Variants in AP4E1 observed in about 807,000 individuals in gnomAD.
AP4E1 encodes AP-4 complex subunit epsilon-1.
In AP4E1, 56 loss-of-function variants were observed where a neutral mutation model predicts 128.2. The observed-to-expected ratio is 0.44, with a 90% confidence interval of 0.35 to 0.55. AP4E1 has a LOEUF of 0.55. Ranked by LOEUF, AP4E1 falls within the 20% of genes least tolerant of loss-of-function variation. The pLI, the probability that AP4E1 is intolerant of heterozygous loss-of-function variation, is 0.00. For synonymous variants in AP4E1, 484 were observed against 473.1 expected (o/e 1.02, Z -0.30); for missense variants, 1,324 against 1,307.7 (o/e 1.01, Z -0.19).
intron 10 of AP4E1, chr15:50,946,043 T>G: frequency 1.3e-6 from 1 of 787,300 alleles, no homozygotes; most frequent in South Asian, 1.6e-5. Context: ...TTGTTACTTT[T>G]GATTTGAGAA....
chr15:50,921,183 T>A (rs570876729), intron 3 of AP4E1, among the ~76,000 whole-genome samples: 13 of 152,176 alleles, frequency 8.5e-5, no homozygotes, highest in African/African-American at 3.1e-4. Context: ...AGAGATAGGG[T>A]CTTGCTACGT....
intron 15 of AP4E1, among the ~76,000 whole-genome samples, chr15:50,981,178 C>T (rs1289759140): frequency 6.6e-6 from 1 of 152,190 alleles, no homozygotes; most frequent in African/African-American, 2.4e-5. Flanking sequence ...CCCCTGAGAG[C>T]TGCTGGGTGG....
intron 15 of AP4E1, among the ~76,000 whole-genome samples, chr15:50,973,437 A>G (rs2064510129): frequency 6.6e-6 from 1 of 152,146 alleles, no homozygotes; most frequent in Non-Finnish European, 1.5e-5. Context: ...CCTTAACTGG[A>G]GGTCTCTCCT....
At chr15:50,991,754 T>C (rs941509362) in intron 16 of AP4E1, among the ~76,000 whole-genome samples, 20 of 152,146 alleles carry the variant, frequency 1.3e-4, no homozygotes, top group Non-Finnish European at 2.2e-4. Context: ...TGTAATTACC[T>C]GTTTTTGTTT....
intron 15 of AP4E1, among the ~76,000 whole-genome samples, chr15:50,979,935 G>C (rs1260522858): frequency 6.6e-6 from 1 of 152,166 alleles, no homozygotes; most frequent in Non-Finnish European, 1.5e-5. Flanking sequence ...CTGAAAATGT[G>C]GAAATGGCTT....
At chr15:50,910,515 G>C (rs778366427) in intron 1 of AP4E1, among the ~76,000 whole-genome samples, 4 of 152,204 alleles carry the variant, frequency 2.6e-5, no homozygotes, top group Non-Finnish European at 4.4e-5. Context: ...CAATGCAATA[G>C]AAGTGCTAAA....
intron 14 of AP4E1, among the ~76,000 whole-genome samples, chr15:50,961,589 T>C (rs2064314503): frequency 6.6e-6 from 1 of 151,408 alleles, no homozygotes; most frequent in South Asian, 2.1e-4. Context: ...AGAAAAAGCA[T>C]AGAAAAAAAA....
At chr15:50,977,175 A>G (rs942583444) in intron 15 of AP4E1, among the ~76,000 whole-genome samples, 8 of 152,140 alleles carry the variant, frequency 5.3e-5, no homozygotes, top group African/African-American at 1.9e-4. Flanking sequence ...GGGTTTCCAC[A>G]GTGGGAGGTA....
intron 5 of AP4E1, among the ~76,000 whole-genome samples, chr15:50,927,536 CACTT>C (rs898213769): frequency 1.1e-4 from 16 of 144,446 alleles, no homozygotes; most frequent in Non-Finnish European, 2.1e-4. Context: ...TTTTTTTCCT[CACTT>C]CATTTACCTA....
intron 6 of AP4E1, among the ~76,000 whole-genome samples, chr15:50,930,072 C>CT (rs1409254424): frequency 2.5e-4 from 34 of 137,072 alleles, no homozygotes; most frequent in Admixed American, 3.7e-4. Flanking sequence ...ATTTTGGGGA[C>CT]TTTTTTTTTT....
intron 11 of AP4E1, 58 bp downstream of exon 11, chr15:50,948,217 A>T: frequency 6.3e-7 from 1 of 1,590,916 alleles, no homozygotes; most frequent in Admixed American, 1.7e-5. Context: ...TGACTTTAAG[A>T]TGATTGGTAT....
At chr15:50,914,650 CAAAAA>C (rs60591318) in intron 2 of AP4E1, among the ~76,000 whole-genome samples, 1 of 93,710 alleles carries the variant, frequency 1.1e-5, no homozygotes, top group Non-Finnish European at 2.1e-5. Flanking sequence ...GACTCTGTCT[CAAAAA>C]AAAAAAAAAA....
intron 13 of AP4E1, among the ~76,000 whole-genome samples, chr15:50,951,954 C>T (rs1483409928): frequency 2.6e-5 from 4 of 151,816 alleles, no homozygotes; most frequent in East Asian, 1.9e-4. Context: ...CTCGAACTCT[C>T]GACCTCAGGT....
intron 10 of AP4E1, among the ~76,000 whole-genome samples, 197 bp downstream of exon 10, chr15:50,941,972 A>G (rs1345928158): frequency 6.6e-6 from 1 of 152,176 alleles, no homozygotes; most frequent in East Asian, 1.9e-4. Flanking sequence ...GCTGTAGTGC[A>G]GTGGCATGAT....
chr15:50,951,142 A>T (rs2064144064), intron 13 of AP4E1, among the ~76,000 whole-genome samples: 1 of 152,224 alleles, frequency 6.6e-6, no homozygotes, highest in African/African-American at 2.4e-5. Flanking sequence ...GAGTCCAGGT[A>T]TGGCTTAGCT....
intron 3 of AP4E1, among the ~76,000 whole-genome samples, chr15:50,919,575 TAA>T (rs2063670614): frequency 6.9e-6 from 1 of 145,372 alleles, no homozygotes; most frequent in African/African-American, 2.6e-5. Context: ...AATAAATAAA[TAA>T]GTAAATAAAT....
intron 15 of AP4E1, among the ~76,000 whole-genome samples, chr15:50,978,136 G>T (rs2064584015): frequency 6.6e-6 from 1 of 152,050 alleles, no homozygotes; most frequent in African/African-American, 2.4e-5. Context: ...AAAATATCAT[G>T]GGATACTAAG....
intron 11 of AP4E1, 84 bp from the exon 12 acceptor site, chr15:50,949,742 G>T: frequency 9.6e-7 from 1 of 1,046,966 alleles, no homozygotes. Context: ...GATGAATTGG[G>T]GTTATTTTTT....
chr15:50,911,479 AT>A (rs536958160), intron 1 of AP4E1, among the ~76,000 whole-genome samples: 8,321 of 124,592 alleles, frequency 0.067, 351 homozygotes, highest in African/African-American at 0.15. Context: ...TCCACCTTTA[AT>A]TTTTTTTTTT....
Sources: gnomAD v4.1 joint callset for allele counts (sites outside exome capture counted in the v4.1 genomes callset) on GRCh38, gnomAD v4.1.1 for gene constraint, MANE v1.5 for transcripts, NCBI Gene and HGNC (gene_info 2026-07-23, HGNC 2026-07-21) for gene names.